The following ZNF518A variants were observed in gnomAD, a reference collection of about 807,000 sequenced individuals.
The protein encoded by ZNF518A is zinc finger protein 518.
A neutral mutation model predicts 102.7 loss-of-function variants in ZNF518A; 47 were observed. The observed-to-expected ratio is 0.46, with a 90% CI of 0.36 to 0.58. The LOEUF (loss-of-function observed/expected upper bound fraction) is 0.58. Ranked by LOEUF, ZNF518A falls within the 20% of genes least tolerant of loss-of-function variation. ZNF518A has a pLI of 0.00. For missense variants in ZNF518A, 1,793 were observed against 1,699.8 expected (o/e 1.05, Z -0.96); for synonymous variants, 652 against 594.6 (o/e 1.10, Z -1.40).
chr10:96,159,312 G>A lies in ZNF518A; in HGVS notation c.2990G>A (p.Gly997Asp), dbSNP rs372908577. 2.0e-5 allele frequency: 32 copies of A among 1,613,460 alleles called. No individual in the cohort carries two copies. In the East Asian group the frequency reaches 6.0e-4, roughly 30 times the overall value. ...GGTGTTTCCGCTGTCAAAACCGAGG[G>A]TGCCCCAGCTCGTGGAACTGTGACT... is the stretch of plus-strand genomic sequence containing the variant. Reference protein sequence around the residue: ...LEGVSAVKTEGAPARGTVTKE... With the variant: ...LEGVSAVKTEDAPARGTVTKE... The change falls in exon 6 of 6, where the codon GGT (glycine) becomes GAT (aspartate). Residue 997 changes from glycine to aspartate, a missense_variant. Transcript: ENST00000316045.
intron 1 of ZNF518A, among the ~76,000 whole-genome samples, chr10:96,184,172 C>T (rs2083257051): frequency 6.6e-6 from 1 of 152,124 alleles, no homozygotes; most frequent in African/African-American, 2.4e-5. Flanking sequence ...TCCTCCATCC[C>T]TTTATTTTGA....
At chr10:96,137,612 A>T (rs1554875006) in intron 3 of ZNF518A, among the ~76,000 whole-genome samples, 2 of 152,130 alleles carry the variant, frequency 1.3e-5, no homozygotes, top group Non-Finnish European at 2.9e-5. Context: ...CACATTCTTG[A>T]TTTACCTTAA....
intron 3 of ZNF518A, among the ~76,000 whole-genome samples, chr10:96,136,498 G>A (rs1323666742): frequency 6.6e-6 from 1 of 151,290 alleles, no homozygotes; most frequent in African/African-American, 2.4e-5. Flanking sequence ...AACGAATGTA[G>A]CAATAGATGT....
chr10:96,147,540 T>A (rs1278666596), intron 3 of ZNF518A, among the ~76,000 whole-genome samples: 2 of 152,220 alleles, frequency 1.3e-5, no homozygotes, highest in African/African-American at 4.8e-5. Context: ...AGGTAAATTT[T>A]GAGATTTTGC....
intron 3 of ZNF518A, among the ~76,000 whole-genome samples, chr10:96,154,777 A>C (rs587762214): frequency 5.3e-5 from 8 of 152,160 alleles, no homozygotes; most frequent in African/African-American, 1.9e-4. Context: ...TTTTATGACA[A>C]ACATCCCATT....
intron 3 of ZNF518A, among the ~76,000 whole-genome samples, chr10:96,143,865 G>A (rs956880237): frequency 6.6e-6 from 1 of 152,130 alleles, no homozygotes; most frequent in African/African-American, 2.4e-5. Context: ...TAGTTTGGAG[G>A]ATATCCTTCT....
Position 96,157,487 on chromosome 10 carries a change from G to C in ZNF518A, c.1165G>C (p.Glu389Gln). The change falls in exon 6 of 6, where the codon GAG (glutamate) becomes CAG (glutamine). Residue 389 changes from glutamate (E) to glutamine (Q), a missense_variant. By Grantham distance (29) the Glu-to-Gln change is conservative. This residue lies in a region of ZNF518A where 1,741 missense variants were observed against 1,622.6 expected (regional missense o/e 1.07). Transcript: ENST00000316045. ...GAATAATGATAAAGCCCCTGAATCAGAGTCAGAGAAGCCAACTCCTCTGTC... is the reference window on the plus strand; with the variant it reads ...GAATAATGATAAAGCCCCTGAATCACAGTCAGAGAAGCCAACTCCTCTGTC... ...CENNDKAPESESEKPTPLSTG... is the reference protein window; with the variant it reads ...CENNDKAPESQSEKPTPLSTG... The C allele has an allele frequency of 3.1e-6, 5 of 1,613,856 alleles. No individual in the cohort carries two copies. Among genetic ancestry groups the C allele is most frequent in the Non-Finnish European group, 4.2e-6 (5 of 1,179,802 alleles).
At chr10:96,197,195 T>G in intron 1 of ZNF518A, 1 of 668,956 alleles carries the variant, frequency 1.5e-6, no homozygotes, top group Non-Finnish European at 2.4e-6. Context: ...TTATTTTTAT[T>G]ATTGATTAGC....
intron 1 of ZNF518A, chr10:96,199,613 A>G: frequency 4.6e-6 from 2 of 438,542 alleles, no homozygotes; most frequent in Non-Finnish European, 4.6e-6. Flanking sequence ...CTCTTGAGTA[A>G]GTAAAGGAAA....
chr10:96,138,688 G>A (rs11188624), intron 3 of ZNF518A, among the ~76,000 whole-genome samples: 4,685 of 152,156 alleles, frequency 0.031, 240 homozygotes, highest in East Asian at 0.17. Flanking sequence ...GTGAGGGGAG[G>A]GATTTTTGTC....
At chr10:96,175,895 CTTCCT>C (rs2083201489) in intron 1 of ZNF518A, among the ~76,000 whole-genome samples, 1 of 125,310 alleles carries the variant, frequency 8.0e-6, no homozygotes, top group African/African-American at 2.8e-5. Context: ...TCCTTCCTTC[CTTCCT>C]TCCTTCCTTC....
At position 96,160,749 on chromosome 10, in the gene ZNF518A, C is replaced by G. The variant is rs2082966371; in HGVS notation, c.4427C>G (p.Thr1476Ser). The stretch of plus-strand genomic sequence containing the variant: ...GGGCAGAGACATTTAATGGAAGCTA[C>G]TCGGGATTGGAACATGTTAGAATAG... ...GHGQRHLMEA[T>S]RDWNMLE Residue 1476 changes from threonine (T) to serine (S), a missense_variant, in exon 6 of 6, where the codon ACT (threonine) becomes AGT (serine). Thr to Ser is a moderately conservative substitution (Grantham distance 58). Around this residue, in one of 3 missense-constraint regions of ZNF518A, gnomAD observed 22 missense variants for 16.0 expected, o/e 1.37. Transcript: ENST00000316045. 3.1e-6 allele frequency: 5 copies of G among 1,595,222 alleles called. No homozygotes were observed. The highest frequency in any genetic ancestry group is 4.3e-6 in the Non-Finnish European group (5 of 1,173,492).
chr10:96,140,540 AG>A (rs1193370144), intron 3 of ZNF518A, among the ~76,000 whole-genome samples: 5 of 152,322 alleles, frequency 3.3e-5, no homozygotes, highest in African/African-American at 1.2e-4. Flanking sequence ...AAAGAGCAAA[AG>A]ATGAAAATAA....
chr10:96,195,061 G>T (rs996485495), intron 1 of ZNF518A, among the ~76,000 whole-genome samples: 3 of 151,960 alleles, frequency 2.0e-5, no homozygotes, highest in African/African-American at 7.3e-5. Context: ...GAGCCACCGC[G>T]CCCGGCCAGA....
intron 1 of ZNF518A, among the ~76,000 whole-genome samples, chr10:96,191,435 A>G (rs1210173757): frequency 1.3e-5 from 2 of 149,884 alleles, no homozygotes; most frequent in African/African-American, 4.9e-5. Flanking sequence ...GTTCATATCC[A>G]TATATATATA....
chr10:96,153,219 C>A (rs782080736), intron 3 of ZNF518A, among the ~76,000 whole-genome samples: 1 of 152,170 alleles, frequency 6.6e-6, no homozygotes, highest in African/African-American at 2.4e-5. Flanking sequence ...CAGGGGAAAT[C>A]CTTTTCTCTC....
chr10:96,161,235 G>A lies in ZNF518A; in HGVS notation c.*461G>A, dbSNP rs77923813. 884 of 168,374 alleles carry A rather than the reference G, an allele frequency of 5.3e-3. 6 individuals are homozygous for A. Among genetic ancestry groups the A allele is most frequent in the Middle Eastern group, 0.013 (4 of 298 alleles). 10.4% of individuals were successfully genotyped at this position (168,374 alleles called of 1,614,324 possible). On this transcript the variant is annotated 3_prime_UTR_variant, in exon 6 of 6. Coordinates refer to ENST00000316045, the MANE Select transcript of ZNF518A (RefSeq NM_001330736.2). ...TCTCACATTTGTGAAGATACTTTGA[G>A]AGAACCTGGGTAAAGAAGTCACTCT...
intron 3 of ZNF518A, among the ~76,000 whole-genome samples, chr10:96,134,695 G>C (rs1489162625): frequency 6.6e-6 from 1 of 152,214 alleles, no homozygotes; most frequent in Non-Finnish European, 1.5e-5. Flanking sequence ...AATTTATCTT[G>C]AAAACTTGTG....
At position 96,159,004 on chromosome 10, in the gene ZNF518A, G is replaced by T; in HGVS notation, c.2682G>T (p.Ala894=). The stretch of plus-strand genomic sequence containing the variant: ...CATTACTTAAGACTCAGTCAGATGC[G>T]ATAATAACACAGCAGCTTGTAAAAG... The part of the protein sequence containing the change: ...FGTLLKTQSD[A]IITQQLVKDK... The change falls in exon 6 of 6, where the codon GCG becomes GCT. Residue 894 remains alanine (A), a synonymous_variant. Coordinates refer to ENST00000316045, the MANE Select transcript of ZNF518A (RefSeq NM_001330736.2). 2 of 1,613,516 alleles carry T rather than the reference G, an allele frequency of 1.2e-6. No individual in the cohort carries two copies. The highest frequency in any genetic ancestry group is 1.7e-6 in the Non-Finnish European group (2 of 1,179,710).
Sources: allele counts gnomAD v4.1 joint callset (sites outside exome capture counted in the v4.1 genomes callset), GRCh38; gene constraint gnomAD v4.1.1; regional missense constraint gnomAD v4.1.1; transcripts MANE v1.5; gene names NCBI Gene and HGNC (gene_info 2026-07-23, HGNC 2026-07-21).